Variants in ATE1 observed in about 807,000 individuals in gnomAD.
ATE1 encodes arginyltransferase 1, also known as arginyl-tRNA--protein transferase 1.
Under a neutral mutation model 70.5 loss-of-function variants are expected in ATE1, and 36 were observed. The ratio of observed to expected loss-of-function variants is 0.51; its 90% CI spans 0.39 to 0.67. The LOEUF is 0.67. Among genes scored for constraint, ATE1 ranks in the 30% least tolerant of loss-of-function variants. ATE1 has a pLI of 0.00. For missense variants in ATE1, 593 were observed against 629.5 expected (o/e 0.94, Z 0.62); for synonymous variants, 232 against 219.3 (o/e 1.06, Z -0.51).
At position 121,779,046 on chromosome 10, in the gene ATE1, C is replaced by G. The variant is rs948144448; in HGVS notation, c.1378+11123G>C. On this transcript the variant is annotated intron_variant, in intron 11 of 11. Coordinates refer to ENST00000224652, the MANE Select transcript of ATE1 (RefSeq NM_001001976.3). ...ACCTCTGAAATAGTAAAATCAGACA[C>G]TCGCTCTCAACACCATTTCCTATCC... is the stretch of plus-strand genomic sequence containing the variant. 9.2e-5 allele frequency among the ~76,000 whole-genome samples: 14 copies of G among 152,300 alleles called. 1 individual carries two copies. Among genetic ancestry groups the G allele is most frequent in the African/African-American group, 2.9e-4 (12 of 41,568 alleles).
At chr10:121,902,717 T>C (rs1312022800) in intron 5 of ATE1, 97 bp from the exon 6 acceptor site, 1 of 1,222,420 alleles carries the variant, frequency 8.2e-7, no homozygotes, top group Non-Finnish European at 1.1e-6. Context: ...CCAAAGAGTT[T>C]CAATGGTTAG....
chr10:121,771,027 A>G (rs1590252409), intron 11 of ATE1, among the ~76,000 whole-genome samples: 1 of 152,306 alleles, frequency 6.6e-6, no homozygotes, highest in Non-Finnish European at 1.5e-5. Flanking sequence ...AAATGCCACA[A>G]AAAGCTGAGG....
chr10:121,860,724 C>G (rs924682557), intron 8 of ATE1, among the ~76,000 whole-genome samples: 1 of 152,122 alleles, frequency 6.6e-6, no homozygotes, highest in African/African-American at 2.4e-5. Flanking sequence ...TTTACTTTGA[C>G]ATTTCCTTTT....
intron 10 of ATE1, among the ~76,000 whole-genome samples, chr10:121,833,632 AAAGGG>A (rs1476934064): frequency 6.6e-6 from 1 of 151,996 alleles, no homozygotes; most frequent in Non-Finnish European, 1.5e-5. Context: ...GGGGAGGGGC[AAAGGG>A]AAGGGGAAAA....
At chr10:121,884,799 TTAC>T (rs1405164148) in intron 7 of ATE1, among the ~76,000 whole-genome samples, 1 of 152,172 alleles carries the variant, frequency 6.6e-6, no homozygotes, top group Non-Finnish European at 1.5e-5. Context: ...ATAAATGTCT[TTAC>T]TACTATTAGT....
intron 10 of ATE1, among the ~76,000 whole-genome samples, chr10:121,823,922 T>C (rs960477642): frequency 2.0e-5 from 3 of 152,272 alleles, no homozygotes; most frequent in Admixed American, 6.5e-5. Context: ...ACTCTTCTCG[T>C]GGGTAAAATT....
intron 11 of ATE1, among the ~76,000 whole-genome samples, chr10:121,779,199 C>T (rs1228432322): frequency 1.3e-5 from 2 of 152,138 alleles, no homozygotes; most frequent in African/African-American, 2.4e-5. Context: ...AGAACAATTT[C>T]TTTGTCATAA....
chr10:121,815,028 A>C (rs1947480346), intron 10 of ATE1, among the ~76,000 whole-genome samples: 1 of 152,258 alleles, frequency 6.6e-6, no homozygotes, highest in Admixed American at 6.5e-5. Context: ...GATGCTGTCA[A>C]ATCTTTTTAT....
chr10:121,795,521 C>T (rs2420960), intron 10 of ATE1, among the ~76,000 whole-genome samples: 143,740 of 152,258 alleles, frequency 0.94, 68,085 homozygotes, highest in Non-Finnish European at 0.98. Context: ...TGATATTTCA[C>T]TTTTTAACTC....
chr10:121,887,509 G>A (rs1950441869), intron 7 of ATE1, among the ~76,000 whole-genome samples: 1 of 149,112 alleles, frequency 6.7e-6, no homozygotes, highest in African/African-American at 2.5e-5. Context: ...CAGGTGACCA[G>A]CCTGGACAAC....
intron 8 of ATE1, among the ~76,000 whole-genome samples, chr10:121,867,452 A>T (rs1247108445): frequency 6.6e-6 from 1 of 152,188 alleles, no homozygotes; most frequent in Admixed American, 6.5e-5. Context: ...CTAAAATGAG[A>T]GCAAAGCATT....
At chr10:121,789,344 G>C (rs890254992) in intron 11 of ATE1, among the ~76,000 whole-genome samples, 1 of 120,820 alleles carries the variant, frequency 8.3e-6, no homozygotes, top group Non-Finnish European at 1.6e-5. Context: ...TGTCGCCCAG[G>C]CTGAAGTGCA....
At chr10:121,857,602 T>C (rs1949294811) in intron 8 of ATE1, among the ~76,000 whole-genome samples, 3 of 152,220 alleles carry the variant, frequency 2.0e-5, no homozygotes, top group Admixed American at 6.5e-5. Context: ...TTATTGGGCA[T>C]ATACCTAAAG....
chr10:121,822,425 G>A (rs1947835633), intron 10 of ATE1, among the ~76,000 whole-genome samples: 1 of 152,164 alleles, frequency 6.6e-6, no homozygotes, highest in South Asian at 2.1e-4. Flanking sequence ...GTGGGGTGCT[G>A]GGCACCTTCT....
chr10:121,836,857 C>G (rs774570393), intron 9 of ATE1, 40 bp from the exon 10 acceptor site: 7 of 1,272,086 alleles, frequency 5.5e-6, no homozygotes, highest in East Asian at 2.3e-5. Context: ...GCAGTTAATT[C>G]TGGTTCTAAT....
chr10:121,790,050 G>T (rs987081040), intron 11 of ATE1, 119 bp downstream of exon 11: 69 of 1,080,958 alleles, frequency 6.4e-5, no homozygotes, highest in Non-Finnish European at 8.5e-5. Flanking sequence ...ACACACTCAT[G>T]CACAGCATAC....
intron 1 of ATE1, among the ~76,000 whole-genome samples, chr10:121,925,627 C>T (rs574932324): frequency 1.4e-4 from 21 of 152,120 alleles, no homozygotes. Flanking sequence ...ATAATCCCAA[C>T]ACTTTGGAAG....
At chr10:121,897,642 A>G (rs527438860) in intron 7 of ATE1, among the ~76,000 whole-genome samples, 14 of 152,122 alleles carry the variant, frequency 9.2e-5, no homozygotes, top group Non-Finnish European at 5.9e-5. Flanking sequence ...CCTAGCCAAC[A>G]TGGTGAAACC....
intron 11 of ATE1, among the ~76,000 whole-genome samples, chr10:121,772,889 T>C (rs1272478490): frequency 6.6e-6 from 1 of 152,256 alleles, no homozygotes; most frequent in East Asian, 1.9e-4. Flanking sequence ...TCTCTTTGAC[T>C]ACTAGGTTGG....
Sources: gnomAD v4.1 joint callset for allele counts (sites outside exome capture counted in the v4.1 genomes callset) on GRCh38, gnomAD v4.1.1 for gene constraint, MANE v1.5 for transcripts, NCBI Gene and HGNC (gene_info 2026-07-23, HGNC 2026-07-21) for gene names.